BPIFB1: variants seen among roughly 807,000 people sequenced by gnomAD.
The protein encoded by BPIFB1 is BPI fold containing family B member 1, also known as BPI fold-containing family B member 1.
BPIFB1 carries 34 observed loss-of-function variants against 55.1 expected under a neutral mutation model. The ratio of observed to expected loss-of-function variants is 0.62; its 90% CI spans 0.47 to 0.82. The LOEUF (loss-of-function observed/expected upper bound fraction) is 0.82. BPIFB1 is among the 40% of genes least tolerant of loss of function. BPIFB1 has a pLI of 0.00. For synonymous variants in BPIFB1, 236 were observed against 245.3 expected, an observed-to-expected ratio of 0.96 and a Z score of 0.35; for missense variants, 532 against 593.1, an observed-to-expected ratio of 0.90 and a Z score of 1.07.
In BPIFB1 at chr20:33,289,943, C is replaced by A; in HGVS notation, c.316C>A (p.Gln106Lys). Residue 106 changes from glutamine to lysine, a missense_variant, in exon 4 of 16, where the codon CAG (glutamine) becomes AAG (lysine). By Grantham distance (53) the Gln-to-Lys change is moderately conservative (BLOSUM62 1). Transcript: ENST00000253354. ...QLQVKPSAND[Q>K]ELLVKIPLDM... Reference sequence around the variant, plus strand: ...GCAGGTGAAGCCCTCGGCCAATGACCAGGAGCTGCTAGTCAAGATCCCCCT... The same window carrying A: ...GCAGGTGAAGCCCTCGGCCAATGACAAGGAGCTGCTAGTCAAGATCCCCCT... 1 of 1,614,186 alleles carries A rather than the reference C, an allele frequency of 6.2e-7. No individual in the cohort carries two copies. Among genetic ancestry groups the A allele is most frequent in the South Asian group, 1.1e-5 (1 of 91,088 alleles).
At chr20:33,301,532 T>C (rs1980852435) in intron 9 of BPIFB1, 120 bp downstream of exon 9, 1 of 889,038 alleles carries the variant, frequency 1.1e-6, no homozygotes, top group Non-Finnish European at 1.7e-6. Flanking sequence ...GAGATCTCAC[T>C]CCCTCCTCTA....
At chr20:33,288,386 G>GT (rs1262978173) in intron 2 of BPIFB1, among the ~76,000 whole-genome samples, 2 of 152,218 alleles carry the variant, frequency 1.3e-5, no homozygotes, top group Non-Finnish European at 2.9e-5. Context: ...AGTTTTGAGG[G>GT]TTCCCTGCCT....
At chr20:33,295,642 G>GAAA (rs200835999) in intron 6 of BPIFB1, among the ~76,000 whole-genome samples, 1 of 138,126 alleles carries the variant, frequency 7.2e-6, no homozygotes, top group African/African-American at 3.2e-5. Context: ...AAGAAAGAGA[G>GAAA]AAGAAGAAAG....
intron 7 of BPIFB1, chr20:33,299,357 A>C (rs772179536): frequency 4.2e-5 from 15 of 356,474 alleles, no homozygotes; most frequent in Non-Finnish European, 7.9e-5. Context: ...TGGGGGGAGC[A>C]GAGGAGCCAG....
intron 8 of BPIFB1, 99 bp downstream of exon 8, chr20:33,300,083 C>T (rs1249281495): frequency 3.8e-6 from 4 of 1,045,940 alleles, no homozygotes; most frequent in Non-Finnish European, 5.9e-6. Flanking sequence ...GAGAGAAAAT[C>T]CTGGTCACCA....
At position 33,299,963 on chromosome 20, in the gene BPIFB1, C is replaced by G. The variant is rs201488849; in HGVS notation, c.726C>G (p.Asp242Glu). 2 of 1,614,104 alleles carry G rather than the reference C, an allele frequency of 1.2e-6. No individual in the cohort carries two copies. The highest frequency in any genetic ancestry group is 2.2e-5 in the South Asian group (2 of 91,080). Reference sequence around the variant, plus strand: ...TTCTGTATCCTGCCATCAAGGGTGACACCATTCAGCTCTACCTGGGGGTGA... The same window carrying G: ...TTCTGTATCCTGCCATCAAGGGTGAGACCATTCAGCTCTACCTGGGGGTGA... ...FDLLYPAIKG[D>E]TIQLYLGAKL... The change falls in exon 8 of 16, where the codon GAC becomes GAG. Residue 242 changes from aspartate (D) to glutamate (E), a missense_variant. Physicochemically the swap from Asp to Glu is conservative, Grantham distance 45 (BLOSUM62 2). Transcript: ENST00000253354.
chr20:33,307,210 G>T, intron 15 of BPIFB1: 1 of 523,298 alleles, frequency 1.9e-6, no homozygotes, highest in Non-Finnish European at 3.4e-6. Context: ...CCACCCCCTT[G>T]TCATTCATTC....
In BPIFB1 at chr20:33,300,008, G is replaced by A. The variant is rs758409948; in HGVS notation, c.747+24G>A. 73 of 1,597,008 alleles carry A rather than the reference G, an allele frequency of 4.6e-5. 1 individual carries two copies. In the South Asian group the frequency reaches 7.9e-4, roughly 17 times the overall value. On this transcript the variant is annotated intron_variant, in intron 8 of 15. Coordinates refer to ENST00000253354, the MANE Select transcript of BPIFB1 (RefSeq NM_033197.3). ...GGGTGAGTGTCCCAGGACCTTGAGGGTGAAGTGGGGACATTGCTGCCCTTC... is the reference window on the plus strand; with the variant it reads ...GGGTGAGTGTCCCAGGACCTTGAGGATGAAGTGGGGACATTGCTGCCCTTC...
Position 33,294,972 on chromosome 20 carries a change from C to T in BPIFB1, c.598-2553C>T, listed in dbSNP as rs144908138. Among the ~76,000 whole-genome samples, 217 of 151,842 alleles carry T rather than the reference C, an allele frequency of 1.4e-3. 5 individuals are homozygous for T. In the East Asian group the frequency reaches 0.038, roughly 27 times the overall value. On this transcript the variant is annotated intron_variant, in intron 6 of 15. Transcript: ENST00000253354. ...GCCCACATCTGTAATCCCAGCACTTCGGGAGGCCAAGGCAGGAGGATCCCC... is the reference window on the plus strand; with the variant it reads ...GCCCACATCTGTAATCCCAGCACTTTGGGAGGCCAAGGCAGGAGGATCCCC...
At position 33,288,914 on chromosome 20, in the gene BPIFB1, C is replaced by T. The variant is rs770053081; in HGVS notation, c.257+32C>T. Reference sequence around the variant, plus strand: ...GGAGCAGGACCACACCAGGAGCTAGCCCCTTCCCACACCTTTGCCCGGGAC... The same window carrying T: ...GGAGCAGGACCACACCAGGAGCTAGTCCCTTCCCACACCTTTGCCCGGGAC... On this transcript the variant is annotated intron_variant, in intron 3 of 15. Coordinates refer to ENST00000253354, the MANE Select transcript of BPIFB1 (RefSeq NM_033197.3). 4 of 1,595,766 alleles carry T rather than the reference C, an allele frequency of 2.5e-6. No individual in the cohort carries two copies. In the Admixed American group the frequency reaches 6.8e-5, roughly 27 times the overall value.
chr20:33,293,367 G>C (rs1362761643), intron 6 of BPIFB1, among the ~76,000 whole-genome samples: 1 of 152,114 alleles, frequency 6.6e-6, no homozygotes, highest in Non-Finnish European at 1.5e-5. Flanking sequence ...ATTTTTAAGA[G>C]GCTGCTCTTG....
rs372262626 is a variant in BPIFB1, at chr20:33,301,415, A to G, written c.927+3A>G. 2.9e-5 allele frequency: 46 copies of G among 1,611,882 alleles called. No individual in the cohort carries two copies. The highest frequency in any genetic ancestry group is 3.6e-5 in the Non-Finnish European group (42 of 1,178,740). ...TCATGGTCCTGTTGGACTCTGTGGT[A>G]AACCTCAGCACAAGGCAGAGAATAG... On this transcript the variant is annotated splice_donor_region_variant and intron_variant, in intron 9 of 15. Transcript: ENST00000253354.
chr20:33,300,869 T>G (rs1035811896), intron 8 of BPIFB1, among the ~76,000 whole-genome samples: 2 of 152,204 alleles, frequency 1.3e-5, no homozygotes, highest in African/African-American at 4.8e-5. Flanking sequence ...ATTACAAGCA[T>G]GAGCCAACAC....
chr20:33,299,251 C>A, intron 7 of BPIFB1: 1 of 445,960 alleles, frequency 2.2e-6, no homozygotes, highest in Non-Finnish European at 4.6e-6. Context: ...CCCTGGCCCT[C>A]CAGCACTCCC....
chr20:33,305,958 C>T (rs1230890910), intron 13 of BPIFB1, 44 bp from the exon 14 acceptor site: 1 of 1,605,774 alleles, frequency 6.2e-7, no homozygotes, highest in Non-Finnish European at 8.5e-7. Context: ...GGGGGAACTT[C>T]AGATGCTCAA....
chr20:33,295,214 C>CAAAA (rs59451968), intron 6 of BPIFB1, among the ~76,000 whole-genome samples: 2 of 119,988 alleles, frequency 1.7e-5, no homozygotes, highest in Non-Finnish European at 1.9e-5. Flanking sequence ...AACTCTATCT[C>CAAAA]AAAAAAAAAA....
rs1159204522 is a variant in BPIFB1, at chr20:33,289,761, G to A, written c.258-124G>A. On this transcript the variant is annotated intron_variant, in intron 3 of 15. Coordinates refer to ENST00000253354, the MANE Select transcript of BPIFB1 (RefSeq NM_033197.3). Reference sequence around the variant, plus strand: ...GGCAAGACCATCTGGAGAGGAGTCGGTGGGCAGGGCCAGGGTCCCGCTGCT... The same window carrying A: ...GGCAAGACCATCTGGAGAGGAGTCGATGGGCAGGGCCAGGGTCCCGCTGCT... 5 of 786,210 alleles carry A rather than the reference G, an allele frequency of 6.4e-6. No individual in the cohort carries two copies. In the East Asian group the frequency reaches 1.3e-4, roughly 20 times the overall value. The allele number at this position is 786,210 out of a possible 1,614,324, so 48.7% of individuals were successfully genotyped here.
rs1351621104 is a variant in BPIFB1, at chr20:33,301,260, G to T, written c.775G>T (p.Val259Leu). Residue 259 changes from valine (V) to leucine (L), a missense_variant, in exon 9 of 16, where the codon GTG (valine) becomes TTG (leucine). Coordinates refer to ENST00000253354, the MANE Select transcript of BPIFB1 (RefSeq NM_033197.3). ...GAKLLDSQGK[V>L]TKWFNNSAAS... ...CAAGTTGTTGGACTCACAGGGAAAG[G>T]TGACCAAGTGGTTCAATAACTCTGC... 16 of 1,614,192 alleles carry T rather than the reference G, an allele frequency of 9.9e-6. No individual in the cohort carries two copies. Among genetic ancestry groups the T allele is most frequent in the Non-Finnish European group, 1.4e-5 (16 of 1,180,022 alleles).
chr20:33,302,550 A>G, intron 10 of BPIFB1, 138 bp downstream of exon 10: 1 of 955,540 alleles, frequency 1.0e-6, no homozygotes. Flanking sequence ...CCGCACAGAG[A>G]TTTCAGTCTA....
Sources: gnomAD v4.1 joint callset for allele counts (sites outside exome capture counted in the v4.1 genomes callset) on GRCh38, gnomAD v4.1.1 for gene constraint, MANE v1.5 for transcripts, NCBI Gene and HGNC (gene_info 2026-07-23, HGNC 2026-07-21) for gene names.